SOS2: variants seen among roughly 807,000 people sequenced by gnomAD.
SOS2 encodes SOS Ras/Rho guanine nucleotide exchange factor 2.
SOS2 carries 65 observed loss-of-function variants against 148.2 expected under a neutral mutation model. That is an observed-to-expected ratio of 0.44 (90% confidence interval 0.36 to 0.54). The LOEUF (loss-of-function observed/expected upper bound fraction) is 0.54. Among genes scored for constraint, SOS2 ranks in the 20% least tolerant of loss-of-function variants. The probability of loss-of-function intolerance (pLI) is 0.00; values close to 1 mark genes in which losing one functional copy is unlikely to be tolerated. For synonymous variants in SOS2, 539 were observed against 537.1 expected (o/e 1.00, Z -0.05); for missense variants, 1,341 against 1,590.2 (o/e 0.84, Z 2.67).
intron 14 of SOS2, among the ~76,000 whole-genome samples, chr14:50,149,687 C>G (rs536374733): frequency 6.6e-5 from 10 of 152,260 alleles, no homozygotes; most frequent in African/African-American, 2.4e-4. Context: ...CTGCTAAGGG[C>G]CTAGCATCCA....
Position 50,149,855 on chromosome 14 carries a change from C to T in SOS2, c.2384+153G>A, listed in dbSNP as rs1380212893. Among the ~76,000 whole-genome samples, 3 of 152,288 alleles carry T rather than the reference C, an allele frequency of 2.0e-5. No individual in the cohort carries two copies. In the East Asian group the frequency reaches 5.8e-4, roughly 29 times the overall value. ...ATAAGACTTTTACTTGCAGGGCAGA[C>T]TAGTTAAAAACTGTGCTATGACCTT... is the stretch of plus-strand genomic sequence containing the variant. On this transcript the variant is annotated intron_variant, in intron 14 of 22. Transcript: ENST00000216373.
At chr14:50,119,997 G>C (rs1883447540) in intron 22 of SOS2, among the ~76,000 whole-genome samples, 1 of 151,940 alleles carries the variant, frequency 6.6e-6, no homozygotes. Context: ...ATTTTTAGTA[G>C]AGATGGGGTT....
rs1486131664 is a variant in SOS2, at chr14:50,160,004, T to C, written c.1279A>G (p.Ile427Val). The C allele has an allele frequency of 6.2e-7, 1 of 1,614,108 alleles. No individual in the cohort carries two copies. The highest frequency in any genetic ancestry group is 1.3e-5 in the African/African-American group (1 of 75,060). ...IKKMNEIQKN[I>V]DGWEGKDIGQ... ...ATATCTTTGCCTTCCCATCCATCGA[T>C]ATTTTTCTGAATTTCATTCATTTTT... The change falls in exon 10 of 23, where the codon ATC (isoleucine) becomes GTC (valine). Residue 427 changes from isoleucine (I) to valine (V), a missense_variant. By Grantham distance (29) the Ile-to-Val change is conservative. Coordinates refer to ENST00000216373, the MANE Select transcript of SOS2 (RefSeq NM_006939.4).
chr14:50,189,335 A>AAAAAAAAAAAAAAAAAAAAAAAAAAAAG (rs1271113373), intron 4 of SOS2, among the ~76,000 whole-genome samples: 1 of 143,010 alleles, frequency 7.0e-6, no homozygotes, highest in Non-Finnish European at 1.5e-5. Flanking sequence ...TAATAGCAAA[A>AAAAAAAAAAAAAAAAAAAAAAAAAAAAG]AAAAAAAAAA....
intron 16 of SOS2, among the ~76,000 whole-genome samples, chr14:50,144,634 C>T (rs918027591): frequency 4.6e-5 from 7 of 151,754 alleles, no homozygotes; most frequent in African/African-American, 1.2e-4. Context: ...GATGGGGTTT[C>T]GCCGCGTTGT....
chr14:50,124,842 A>G (rs1254412550), intron 21 of SOS2, among the ~76,000 whole-genome samples: 5 of 152,240 alleles, frequency 3.3e-5, no homozygotes, highest in African/African-American at 1.2e-4. Context: ...CTTGCTATGA[A>G]TATTTTATTT....
At chr14:50,216,169 T>A (rs1306625354) in intron 1 of SOS2, among the ~76,000 whole-genome samples, 1 of 151,684 alleles carries the variant, frequency 6.6e-6, no homozygotes, top group Non-Finnish European at 1.5e-5. Flanking sequence ...CAATCTTGGC[T>A]CACTGCAACC....
chr14:50,170,357 A>G (rs145624090), intron 8 of SOS2, among the ~76,000 whole-genome samples: 3 of 152,318 alleles, frequency 2.0e-5, no homozygotes, highest in African/African-American at 4.8e-5. Flanking sequence ...TTCTTGATTT[A>G]TAAGTAACTT....
At chr14:50,156,727 G>A (rs1227701317) in intron 12 of SOS2, 7 of 169,694 alleles carry the variant, frequency 4.1e-5, no homozygotes, top group South Asian at 3.8e-4. Context: ...ATCCTGATAC[G>A]TAAGCATAAC....
intron 9 of SOS2, among the ~76,000 whole-genome samples, chr14:50,160,659 T>TTATA (rs1369606283): frequency 6.6e-6 from 1 of 151,914 alleles, no homozygotes; most frequent in Non-Finnish European, 1.5e-5. Context: ...AGTGCTGGGA[T>TTATA]TATAGGCGTG....
In SOS2 at chr14:50,224,293, GAAA is replaced by G. The variant is rs112000335; in HGVS notation, c.87+6901_87+6903del. ...GTGACAGAGCAAGACTCCGTCTCAG[GAAA>G]AAAAAAAAATATATATATACACACA... On this transcript the variant is annotated intron_variant, in intron 1 of 22. Transcript: ENST00000216373. Among the ~76,000 whole-genome samples the G allele has an allele frequency of 1.0e-3, 89 of 87,082 alleles. 1 individual carries two copies. Among genetic ancestry groups the G allele is most frequent in the Middle Eastern group, 5.2e-3 (1 of 192 alleles). The allele number at this position is 87,082 out of a possible 152,430, so 57.1% of individuals were successfully genotyped here.
intron 1 of SOS2, among the ~76,000 whole-genome samples, chr14:50,214,764 A>G (rs536375160): frequency 6.8e-6 from 1 of 146,648 alleles, no homozygotes; most frequent in East Asian, 2.0e-4. Context: ...CGAGCTGGTC[A>G]CCAACTCCTT....
intron 1 of SOS2, among the ~76,000 whole-genome samples, chr14:50,221,921 A>G (rs1887215796): frequency 6.6e-6 from 1 of 152,096 alleles, no homozygotes; most frequent in South Asian, 2.1e-4. Context: ...CAATATGTAG[A>G]CTTTTTTGTT....
intron 12 of SOS2, among the ~76,000 whole-genome samples, chr14:50,153,514 A>C (rs1169214992): frequency 6.6e-6 from 1 of 152,202 alleles, no homozygotes; most frequent in Non-Finnish European, 1.5e-5. Flanking sequence ...AGTTCATAAA[A>C]AGCATTTTTA....
Position 50,199,804 on chromosome 14 carries a change from C to T in SOS2, c.397G>A (p.Val133Ile), listed in dbSNP as rs1464665792. ...DYHVSLYIVA[V>I]LEYISADILK... ...ATATCAGCTGAGATATACTCTAGTA[C>T]AGCCACAATATATAGGGATACATGG... The change falls in exon 4 of 23, where the codon GTA becomes ATA. Residue 133 changes from valine (V) to isoleucine (I), a missense_variant. Val to Ile is a conservative substitution (Grantham distance 29). Coordinates refer to ENST00000216373, the MANE Select transcript of SOS2 (RefSeq NM_006939.4). The T allele has an allele frequency of 1.3e-6, 2 of 1,594,768 alleles. No homozygotes were observed. The highest frequency in any genetic ancestry group is 1.7e-4 in the Middle Eastern group (1 of 5,996).
chr14:50,157,228 A>G, intron 11 of SOS2, 107 bp from the exon 12 acceptor site: 1 of 1,250,756 alleles, frequency 8.0e-7, no homozygotes, highest in Non-Finnish European at 1.1e-6. Flanking sequence ...AAAGTGGATT[A>G]CTGTTAAACT....
At chr14:50,153,360 G>T (rs1459119143) in intron 12 of SOS2, among the ~76,000 whole-genome samples, 187 bp from the exon 13 acceptor site, 1 of 151,926 alleles carries the variant, frequency 6.6e-6, no homozygotes, top group Non-Finnish European at 1.5e-5. Context: ...TCCAAACGGT[G>T]TATTATTTAT....
At chr14:50,217,816 C>T (rs556621895) in intron 1 of SOS2, among the ~76,000 whole-genome samples, 6 of 151,954 alleles carry the variant, frequency 3.9e-5, no homozygotes, top group East Asian at 1.9e-4. Flanking sequence ...ATTAGCTGGG[C>T]GTGGTGGCGG....
At chr14:50,174,654 T>C in intron 7 of SOS2, 102 bp from the exon 8 acceptor site, 1 of 512,410 alleles carries the variant, frequency 2.0e-6, no homozygotes, top group African/African-American at 1.9e-5. Flanking sequence ...AGATACAGAC[T>C]TATCAAAACT....
Sources: allele counts gnomAD v4.1 joint callset (sites outside exome capture counted in the v4.1 genomes callset), GRCh38; gene constraint gnomAD v4.1.1; transcripts MANE v1.5; gene names NCBI Gene and HGNC (gene_info 2026-07-23, HGNC 2026-07-21).